The following NRG1 variants were observed in gnomAD, a reference collection of about 807,000 sequenced individuals.
The protein encoded by NRG1 is neuregulin 1, also known as pro-neuregulin-1, membrane-bound isoform.
Under a neutral mutation model 63.8 loss-of-function variants are expected in NRG1, and 18 were observed. The observed-to-expected ratio is 0.28, with a 90% CI of 0.19 to 0.42. The LOEUF (loss-of-function observed/expected upper bound fraction) is 0.42. NRG1 is among the 10% of genes least tolerant of loss of function. The pLI is 1.00. For synonymous variants in NRG1, 302 were observed against 301.3 expected (o/e 1.00, Z -0.02); for missense variants, 762 against 814.7 (o/e 0.94, Z 0.79).
intron 1 of NRG1, among the ~76,000 whole-genome samples, chr8:31,871,932 T>G (rs572111561): frequency 2.0e-5 from 3 of 152,332 alleles, no homozygotes; most frequent in Admixed American, 1.3e-4. Context: ...GGCTTTTATT[T>G]TTTTTACTTT....
rs74421146 is a variant in NRG1 at position 31,706,321 on chromosome 8, C to T, written c.37+66890C>T. ...GTAGCACATTTTATAAATATTTTGC[C>T]TCTTGATTTTTTTCTTGCTTAACAT... On this transcript the variant is annotated intron_variant, in intron 1 of 10. Coordinates refer to the NRG1 transcript ENST00000519301. Among the ~76,000 whole-genome samples, 410 of 152,058 alleles carry T rather than the reference C, an allele frequency of 2.7e-3. 4 individuals are homozygous for T. The highest frequency in any genetic ancestry group is 0.025 in the East Asian group (130 of 5,178).
At chr8:32,462,280 A>T (rs1161848872) in intron 1 of NRG1, among the ~76,000 whole-genome samples, 2 of 152,224 alleles carry the variant, frequency 1.3e-5, no homozygotes, top group East Asian at 3.9e-4. Flanking sequence ...ACAACAGTGC[A>T]GTAGGTAAAA....
At chr8:32,528,195 T>G (rs1361875891) in intron 1 of NRG1, among the ~76,000 whole-genome samples, 1 of 152,232 alleles carries the variant, frequency 6.6e-6, no homozygotes. Flanking sequence ...ATTCACTATC[T>G]TCTTTTGCTC....
chr8:31,742,866 T>G (rs1815440293), intron 1 of NRG1, among the ~76,000 whole-genome samples: 1 of 152,008 alleles, frequency 6.6e-6, no homozygotes, highest in Admixed American at 6.6e-5. Context: ...TTTTCCTCCA[T>G]ATGCTGTTGA....
chr8:32,745,444 G>T (rs74494933), intron 7 of NRG1, among the ~76,000 whole-genome samples: 19,289 of 152,068 alleles, frequency 0.13, 1,563 homozygotes, highest in East Asian at 0.36. Context: ...AGTGATTCTG[G>T]TCAGAATGTC....
chr8:31,776,420 A>T (rs73590155), intron 1 of NRG1, among the ~76,000 whole-genome samples: 508 of 152,284 alleles, frequency 3.3e-3, no homozygotes, highest in African/African-American at 0.012. Flanking sequence ...ATGGGAAAAA[A>T]TAGGAACTCT....
chr8:32,648,611 C>T (rs911897253), intron 5 of NRG1, among the ~76,000 whole-genome samples: 4 of 152,146 alleles, frequency 2.6e-5, no homozygotes, highest in African/African-American at 9.7e-5. Flanking sequence ...AGCCACATGG[C>T]TCAATCTGGT....
chr8:31,639,629 C>T, intron 1 of NRG1: 1 of 1,411,544 alleles, frequency 7.1e-7, no homozygotes, highest in South Asian at 1.5e-5. Flanking sequence ...CCACGTCCTC[C>T]TCCGGTGACA....
intron 5 of NRG1, chr8:32,647,693 C>A: frequency 6.5e-7 from 1 of 1,528,110 alleles, no homozygotes. Flanking sequence ...TGAGAGCGGC[C>A]AGGCCTTCTT....
intron 1 of NRG1, among the ~76,000 whole-genome samples, chr8:31,875,590 T>C (rs1354367176): frequency 6.6e-6 from 1 of 152,130 alleles, no homozygotes; most frequent in African/African-American, 2.4e-5. Context: ...TTCAGTGGGT[T>C]CTCTTTTCTT....
At chr8:31,756,134 A>G (rs1816943963) in intron 1 of NRG1, among the ~76,000 whole-genome samples, 1 of 152,148 alleles carries the variant, frequency 6.6e-6, no homozygotes, top group Admixed American at 6.5e-5. Context: ...ATGTAGGCTT[A>G]CACAATTGAG....
At chr8:31,675,602 G>A (rs1807609165) in intron 1 of NRG1, among the ~76,000 whole-genome samples, 1 of 151,964 alleles carries the variant, frequency 6.6e-6, no homozygotes, top group South Asian at 2.1e-4. Flanking sequence ...TGTTTTCTTG[G>A]GCCTAGAAGG....
chr8:31,645,084 G>A (rs1469584189), intron 1 of NRG1, among the ~76,000 whole-genome samples: 1 of 152,094 alleles, frequency 6.6e-6, no homozygotes, highest in East Asian at 1.9e-4. Context: ...ACAGAAATGG[G>A]CATTGTGGAC....
chr8:31,784,008 A>G (rs1445787450), intron 1 of NRG1, among the ~76,000 whole-genome samples: 2 of 152,224 alleles, frequency 1.3e-5, no homozygotes, highest in Non-Finnish European at 2.9e-5. Context: ...AAACTAATGC[A>G]TGGATATGTG....
At chr8:32,702,315 G>C (rs1815124268) in intron 5 of NRG1, among the ~76,000 whole-genome samples, 2 of 152,292 alleles carry the variant, frequency 1.3e-5, no homozygotes, top group Non-Finnish European at 1.5e-5. Context: ...GCTATGTGTG[G>C]GACGTGTGTC....
chr8:31,865,517 C>G (rs1414074087), intron 1 of NRG1, among the ~76,000 whole-genome samples: 1 of 151,972 alleles, frequency 6.6e-6, no homozygotes, highest in Non-Finnish European at 1.5e-5. Flanking sequence ...TGGGAGAGAC[C>G]TTGTAGGAGG....
chr8:32,277,672 G>C (rs1463170224), intron 1 of NRG1, among the ~76,000 whole-genome samples: 2 of 152,124 alleles, frequency 1.3e-5, no homozygotes, highest in African/African-American at 4.8e-5. Flanking sequence ...AACAATATCT[G>C]GTGACATTTT....
intron 1 of NRG1, among the ~76,000 whole-genome samples, chr8:32,060,495 T>TC (rs1465736773): frequency 6.6e-6 from 1 of 151,944 alleles, no homozygotes; most frequent in Non-Finnish European, 1.5e-5. Context: ...TTAGTTCAAT[T>TC]TTTTTAGAGA....
intron 1 of NRG1, among the ~76,000 whole-genome samples, chr8:31,873,055 C>T (rs1829622724): frequency 6.6e-6 from 1 of 152,102 alleles, no homozygotes; most frequent in African/African-American, 2.4e-5. Flanking sequence ...TCATGTTTCA[C>T]ATACTTCTTA....
Sources: allele counts gnomAD v4.1 joint callset (sites outside exome capture counted in the v4.1 genomes callset), GRCh38; gene constraint gnomAD v4.1.1; transcripts MANE v1.5; gene names NCBI Gene and HGNC (gene_info 2026-07-23, HGNC 2026-07-21).